ATP8A2: variants seen among roughly 807,000 people sequenced by gnomAD.
ATP8A2 encodes phospholipid-transporting ATPase IB.
ATP8A2 carries 100 observed loss-of-function variants against 165.6 expected under a neutral mutation model. The observed-to-expected ratio is 0.60, with a 90% CI of 0.51 to 0.71. The LOEUF (loss-of-function observed/expected upper bound fraction) is 0.71. Ranked by LOEUF, ATP8A2 falls within the 30% of genes least tolerant of loss-of-function variation. ATP8A2 has a pLI of 0.00. For synonymous variants in ATP8A2, 543 were observed against 548.8 expected (o/e 0.99, Z 0.15); for missense variants, 1,227 against 1,479.5 (o/e 0.83, Z 2.80).
chr13:25,742,856 G>A (rs2043947086), intron 25 of ATP8A2, among the ~76,000 whole-genome samples: 1 of 152,036 alleles, frequency 6.6e-6, no homozygotes, highest in African/African-American at 2.4e-5. Flanking sequence ...ATGGGATGTG[G>A]GAGGATGTAT....
chr13:25,427,175 G>A lies in ATP8A2; in HGVS notation c.77-41802G>A, dbSNP rs191594420. Among the ~76,000 whole-genome samples, 207 of 152,200 alleles carry A rather than the reference G, an allele frequency of 1.4e-3. 1 individual carries two copies. Among genetic ancestry groups the A allele is most frequent in the African/African-American group, 4.8e-3 (198 of 41,510 alleles). On this transcript the variant is annotated intron_variant, in intron 1 of 36. Coordinates refer to ENST00000381655, the MANE Select transcript of ATP8A2 (RefSeq NM_016529.6). ...TGAAGCCTTATCTGTATTTACAGCC[G>A]CTCCCCATAGCTCCCCATTACTGCC... is the stretch of plus-strand genomic sequence containing the variant.
chr13:25,512,745 C>T (rs1233864431), intron 2 of ATP8A2, among the ~76,000 whole-genome samples: 24 of 144,502 alleles, frequency 1.7e-4, no homozygotes, highest in African/African-American at 6.1e-4. Context: ...TGACCCCCCC[C>T]ACCTCCCTCC....
intron 24 of ATP8A2, among the ~76,000 whole-genome samples, chr13:25,656,682 A>G (rs934561848): frequency 1.3e-5 from 2 of 150,002 alleles, no homozygotes; most frequent in Non-Finnish European, 3.0e-5. Context: ...CAGAGGTTGC[A>G]GTGAGCTGAG....
chr13:25,568,311 G>A lies in ATP8A2; in HGVS notation c.1474-2456G>A, dbSNP rs191128434. On this transcript the variant is annotated intron_variant, in intron 16 of 36. Coordinates refer to ENST00000381655, the MANE Select transcript of ATP8A2 (RefSeq NM_016529.6). ...ATATAACTTTCTTTTGAATCATTAT[G>A]CCTAAGATTTCTGAGCTTGAGTCTT... Among the ~76,000 whole-genome samples, 493 of 152,286 alleles carry A rather than the reference G, an allele frequency of 3.2e-3. 6 individuals are homozygous for A. The highest frequency in any genetic ancestry group is 0.011 in the African/African-American group (446 of 41,548).
At chr13:25,377,169 G>A (rs1271126152) in intron 1 of ATP8A2, among the ~76,000 whole-genome samples, 7 of 152,220 alleles carry the variant, frequency 4.6e-5, no homozygotes, top group Non-Finnish European at 5.9e-5. Flanking sequence ...AGTGTATACA[G>A]TGCCTCTAAA....
At chr13:25,435,620 A>T (rs1223819742) in intron 1 of ATP8A2, among the ~76,000 whole-genome samples, 2 of 151,770 alleles carry the variant, frequency 1.3e-5, no homozygotes, top group Admixed American at 6.6e-5. Context: ...TCTTGTTTTT[A>T]TGTTGGGTTT....
intron 20 of ATP8A2, among the ~76,000 whole-genome samples, chr13:25,577,475 A>C (rs2039650731): frequency 6.6e-6 from 1 of 152,166 alleles, no homozygotes; most frequent in Non-Finnish European, 1.5e-5. Context: ...ATTTGTGTTG[A>C]CCTATGATAA....
intron 27 of ATP8A2, among the ~76,000 whole-genome samples, chr13:25,800,831 G>A (rs1950608007): frequency 6.6e-6 from 1 of 152,088 alleles, no homozygotes; most frequent in African/African-American, 2.4e-5. Flanking sequence ...GGTGTTACAG[G>A]AGAGATGGTT....
chr13:25,429,444 T>C (rs1259159148), intron 1 of ATP8A2, among the ~76,000 whole-genome samples: 8 of 151,160 alleles, frequency 5.3e-5, no homozygotes, highest in Admixed American at 5.3e-4. Context: ...CTCTCCGAAT[T>C]CTGGGGGATT....
intron 25 of ATP8A2, among the ~76,000 whole-genome samples, chr13:25,720,185 T>TTTTTTTTTTTTTTTG (rs2043346361): frequency 7.0e-6 from 1 of 143,404 alleles, no homozygotes; most frequent in Non-Finnish European, 1.5e-5. Flanking sequence ...TTTTTTTTTT[T>TTTTTTTTTTTTTTTG]GAGAAGGAAT....
chr13:25,402,983 G>C (rs757096959), intron 1 of ATP8A2, among the ~76,000 whole-genome samples: 49 of 152,246 alleles, frequency 3.2e-4, no homozygotes, highest in Non-Finnish European at 5.3e-4. Context: ...AGATAGAAAG[G>C]AAAATAGGAT....
intron 1 of ATP8A2, among the ~76,000 whole-genome samples, chr13:25,386,772 C>G (rs958230677): frequency 1.3e-5 from 2 of 151,922 alleles, no homozygotes; most frequent in African/African-American, 4.8e-5. Context: ...CTGAGGCGGG[C>G]GGATCACAAG....
intron 10 of ATP8A2, 48 bp downstream of exon 10, chr13:25,543,450 T>C: frequency 7.9e-7 from 1 of 1,267,008 alleles, no homozygotes; most frequent in South Asian, 1.3e-5. Flanking sequence ...TTTCTGCTTT[T>C]ATTGACTAGA....
intron 27 of ATP8A2, among the ~76,000 whole-genome samples, chr13:25,789,358 G>A (rs217876): frequency 0.99 from 150,486 of 152,314 alleles, 74,363 homozygotes; most frequent in East Asian, 1. Context: ...AACAAAACCA[G>A]AAAACCCCAC....
intron 1 of ATP8A2, among the ~76,000 whole-genome samples, chr13:25,413,739 G>A (rs867535812): frequency 1.3e-5 from 2 of 152,136 alleles, no homozygotes; most frequent in South Asian, 2.1e-4. Flanking sequence ...TAGAGGCCAA[G>A]GAGGTGCAGG....
At chr13:25,935,837 CAAAT>C (rs5802356) in intron 33 of ATP8A2, among the ~76,000 whole-genome samples, 73,810 of 151,564 alleles carry the variant, frequency 0.49, 19,045 homozygotes, top group East Asian at 0.7. Flanking sequence ...TATCACTCCC[CAAAT>C]AAATCAAGCA....
At position 25,780,388 on chromosome 13, in the gene ATP8A2, T is replaced by TG. The variant is rs539178262; in HGVS notation, c.2679+5434dup. 1.3e-3 allele frequency among the ~76,000 whole-genome samples: 201 copies of TG among 152,242 alleles called. 1 individual carries two copies. Among genetic ancestry groups the TG allele is most frequent in the African/African-American group, 4.6e-3 (190 of 41,540 alleles). On this transcript the variant is annotated intron_variant, in intron 27 of 36. Coordinates refer to ENST00000381655, the MANE Select transcript of ATP8A2 (RefSeq NM_016529.6). Reference sequence around the variant, plus strand: ...CATACAAGAAATTTTAGTGTTTTCTTGGGGGTGATTAAACTGATAGGGGAT... The same window carrying TG: ...CATACAAGAAATTTTAGTGTTTTCTTGGGGGGTGATTAAACTGATAGGGGAT...
chr13:25,909,812 A>G (rs1445173300), intron 33 of ATP8A2, among the ~76,000 whole-genome samples: 1 of 152,046 alleles, frequency 6.6e-6, no homozygotes, highest in East Asian at 1.9e-4. Context: ...GCCCTCCCCC[A>G]ACTCAGCCGG....
At chr13:25,388,717 CTTCT>C (rs2033144054) in intron 1 of ATP8A2, among the ~76,000 whole-genome samples, 1 of 152,094 alleles carries the variant, frequency 6.6e-6, no homozygotes, top group Non-Finnish European at 1.5e-5. Flanking sequence ...TTAGTTTTTA[CTTCT>C]TTCTTTGGAG....
Sources: gnomAD v4.1 joint callset for allele counts (sites outside exome capture counted in the v4.1 genomes callset) on GRCh38, gnomAD v4.1.1 for gene constraint, MANE v1.5 for transcripts, NCBI Gene and HGNC (gene_info 2026-07-23, HGNC 2026-07-21) for gene names.